The following EEFSEC variants were observed in gnomAD, a reference collection of about 807,000 sequenced individuals.
The protein encoded by EEFSEC is eukaryotic elongation factor, selenocysteine-tRNA specific.
EEFSEC carries 43 observed loss-of-function variants against 42.1 expected under a neutral mutation model. The observed-to-expected ratio is 1.02, with a 90% CI of 0.80 to 1.32. The LOEUF (loss-of-function observed/expected upper bound fraction) is 1.32. EEFSEC is among the 40% of genes most tolerant of loss of function. The pLI is 0.00. For synonymous variants in EEFSEC, 354 were observed against 339.1 expected (o/e 1.04, Z -0.48); for missense variants, 745 against 803.6 (o/e 0.93, Z 0.88).
At chr3:128,253,465 C>T (rs950384395) in intron 2 of EEFSEC, among the ~76,000 whole-genome samples, 2 of 152,192 alleles carry the variant, frequency 1.3e-5, no homozygotes, top group Non-Finnish European at 2.9e-5. Context: ...AATATGGTAC[C>T]TGAACCCCTG....
chr3:128,163,662 C>G (rs948375273), intron 1 of EEFSEC, among the ~76,000 whole-genome samples: 1 of 151,934 alleles, frequency 6.6e-6, no homozygotes, highest in African/African-American at 2.4e-5. Flanking sequence ...ATTTTCGTCA[C>G]CCCATAAAGA....
At chr3:128,350,029 C>T (rs2067364089) in intron 5 of EEFSEC, among the ~76,000 whole-genome samples, 1 of 152,240 alleles carries the variant, frequency 6.6e-6, no homozygotes, top group East Asian at 1.9e-4. Context: ...GGGTCTGGCA[C>T]CCACTGGCGC....
intron 4 of EEFSEC, among the ~76,000 whole-genome samples, chr3:128,309,363 C>G (rs1009756914): frequency 6.6e-6 from 1 of 152,042 alleles, no homozygotes; most frequent in Non-Finnish European, 1.5e-5. Flanking sequence ...AAGGAGGAAG[C>G]CTAGAGCAGG....
the EEFSEC span, among the ~76,000 whole-genome samples, chr3:128,421,512 C>T: frequency 6.6e-6 from 1 of 152,220 alleles, no homozygotes; most frequent in Admixed American, 6.5e-5. Context: ...TCTGTCCCTG[C>T]ACCCCTGCAC....
At chr3:128,423,609 T>A in the EEFSEC span, among the ~76,000 whole-genome samples, 8 of 152,240 alleles carry the variant, frequency 5.3e-5, no homozygotes, top group Non-Finnish European at 1.2e-4. Flanking sequence ...TGATTCCATT[T>A]ATGTGAAATG....
rs192065548 is a variant in EEFSEC, at chr3:128,242,501, A to T, written c.317-4335A>T. On this transcript the variant is annotated intron_variant, in intron 1 of 6. Coordinates refer to ENST00000254730, the MANE Select transcript of EEFSEC (RefSeq NM_021937.5). ...TAATGCCCATAGCTTTGACTTTTTT[A>T]AAAAAAAATCTGATTTTGAGGTTGC... Among the ~76,000 whole-genome samples, 1,197 of 151,352 alleles carry T rather than the reference A, an allele frequency of 7.9e-3. 10 individuals are homozygous for T. Among genetic ancestry groups the T allele is most frequent in the African/African-American group, 0.023 (930 of 41,328 alleles).
At chr3:128,172,733 G>A (rs959878555) in intron 1 of EEFSEC, among the ~76,000 whole-genome samples, 2 of 152,244 alleles carry the variant, frequency 1.3e-5, no homozygotes, top group Non-Finnish European at 2.9e-5. Flanking sequence ...AGTTCTTTCT[G>A]GATTATTCAT....
chr3:128,258,376 C>T (rs962467001), intron 2 of EEFSEC, among the ~76,000 whole-genome samples: 5 of 152,208 alleles, frequency 3.3e-5, no homozygotes, highest in African/African-American at 1.2e-4. Flanking sequence ...GACCAGAGTG[C>T]TGAGCTCTGG....
rs1259675880 is a variant in EEFSEC at position 128,181,553 on chromosome 3, C to T, written c.316+27730C>T. On this transcript the variant is annotated intron_variant, in intron 1 of 6. Coordinates refer to ENST00000254730, the MANE Select transcript of EEFSEC (RefSeq NM_021937.5). Reference sequence around the variant, plus strand: ...GATATAAAATGGAAGTAGAACTTGGCGTTGGCTAGTGGAGACGGCGATAAG... The same window carrying T: ...GATATAAAATGGAAGTAGAACTTGGTGTTGGCTAGTGGAGACGGCGATAAG... Among the ~76,000 whole-genome samples the T allele has an allele frequency of 2.6e-5, 4 of 152,152 alleles. No homozygotes were observed. The East Asian group carries it at 7.7e-4, about 29-fold the overall frequency.
At chr3:128,214,850 G>A (rs945591419) in intron 1 of EEFSEC, among the ~76,000 whole-genome samples, 1 of 152,236 alleles carries the variant, frequency 6.6e-6, no homozygotes, top group East Asian at 1.9e-4. Context: ...GTGGTGGGCA[G>A]CACTTACAGC....
intron 1 of EEFSEC, among the ~76,000 whole-genome samples, chr3:128,163,801 G>A (rs1205690349): frequency 2.0e-5 from 3 of 151,978 alleles, no homozygotes; most frequent in East Asian, 1.9e-4. Context: ...ACAATATGTG[G>A]CCTTTTTGTC....
At chr3:128,234,507 CAGAG>C (rs1156805464) in intron 1 of EEFSEC, among the ~76,000 whole-genome samples, 2 of 152,200 alleles carry the variant, frequency 1.3e-5, no homozygotes, top group Non-Finnish European at 2.9e-5. Flanking sequence ...TACAGCCAGA[CAGAG>C]ACTTAGGAGT....
intron 6 of EEFSEC, among the ~76,000 whole-genome samples, chr3:128,383,002 C>G (rs1026566269): frequency 2.0e-5 from 3 of 152,150 alleles, no homozygotes; most frequent in Non-Finnish European, 2.9e-5. Context: ...CGCCCCCATT[C>G]CCCCAGCCCC....
intron 1 of EEFSEC, among the ~76,000 whole-genome samples, chr3:128,238,788 C>G (rs1226640799): frequency 6.6e-6 from 1 of 152,208 alleles, no homozygotes; most frequent in Non-Finnish European, 1.5e-5. Flanking sequence ...GTGGCTGCTG[C>G]TTTTGGGTTT....
intron 4 of EEFSEC, among the ~76,000 whole-genome samples, chr3:128,269,828 C>T (rs1379198942): frequency 6.6e-6 from 1 of 152,248 alleles, no homozygotes; most frequent in Non-Finnish European, 1.5e-5. Flanking sequence ...TTGACTCTCT[C>T]GATCTTCAGC....
At chr3:128,172,815 G>C (rs2065312317) in intron 1 of EEFSEC, among the ~76,000 whole-genome samples, 1 of 152,212 alleles carries the variant, frequency 6.6e-6, no homozygotes, top group Non-Finnish European at 1.5e-5. Context: ...ATGCAATCTA[G>C]ATGGGAGGTG....
intron 4 of EEFSEC, among the ~76,000 whole-genome samples, chr3:128,324,292 T>A (rs1040445355): frequency 2.0e-5 from 3 of 150,580 alleles, no homozygotes; most frequent in African/African-American, 7.5e-5. Flanking sequence ...AATCTTAAAG[T>A]CCAAAACTTG....
intron 1 of EEFSEC, among the ~76,000 whole-genome samples, chr3:128,177,202 T>C (rs1389230819): frequency 1.3e-5 from 2 of 151,978 alleles, no homozygotes; most frequent in Non-Finnish European, 2.9e-5. Context: ...TATGATTAAG[T>C]TTTGGAAAGC....
chr3:128,400,866 T>C (rs1019856669), intron 6 of EEFSEC, among the ~76,000 whole-genome samples: 3 of 152,268 alleles, frequency 2.0e-5, no homozygotes, highest in East Asian at 1.9e-4. Context: ...CTGCAGCCCA[T>C]TGTGCCTTTG....
Sources: allele counts gnomAD v4.1 joint callset (sites outside exome capture counted in the v4.1 genomes callset), GRCh38; gene constraint gnomAD v4.1.1; transcripts MANE v1.5; gene names NCBI Gene and HGNC (gene_info 2026-07-23, HGNC 2026-07-21).